Variants in CBLB observed in about 807,000 individuals in gnomAD.
The protein encoded by CBLB is Cbl proto-oncogene B, also known as E3 ubiquitin-protein ligase CBL-B.
In CBLB, 31 loss-of-function variants were observed where a neutral mutation model predicts 104.9. That is an observed-to-expected ratio of 0.30 (90% CI 0.22 to 0.40). CBLB has a LOEUF of 0.40. Ranked by LOEUF, CBLB falls within the 10% of genes least tolerant of loss-of-function variation. The pLI is 1.00. For missense variants in CBLB, 1,062 were observed against 1,214.6 expected, an observed-to-expected ratio of 0.87 and a Z score of 1.87; for synonymous variants, 440 against 422.6, an observed-to-expected ratio of 1.04 and a Z score of -0.51.
At chr3:105,738,511 A>G (rs2075189472) in intron 7 of CBLB, among the ~76,000 whole-genome samples, 1 of 152,058 alleles carries the variant, frequency 6.6e-6, no homozygotes, top group Non-Finnish European at 1.5e-5. Flanking sequence ...ATACCCTAAA[A>G]ATTGGCCATT....
intron 5 of CBLB, 93 bp downstream of exon 5, chr3:105,751,369 T>A: frequency 1.2e-6 from 1 of 832,962 alleles, no homozygotes; most frequent in Non-Finnish European, 2.0e-6. Context: ...TATGTGTGTG[T>A]GTGTGAGAGA....
At position 105,665,857 on chromosome 3, in the gene CBLB, C is replaced by T. The variant is rs187751071; in HGVS notation, c.2689+4376G>A. ...CAGCCTGGCCAATATGGTGAAACCCCGTCTCTACTAAAAATGTAAAAATTA... is the reference window on the plus strand; with the variant it reads ...CAGCCTGGCCAATATGGTGAAACCCTGTCTCTACTAAAAATGTAAAAATTA... On this transcript the variant is annotated intron_variant, in intron 18 of 18. Coordinates refer to ENST00000394030, the MANE Select transcript of CBLB (RefSeq NM_170662.5). 1.3e-3 allele frequency among the ~76,000 whole-genome samples: 200 copies of T among 151,374 alleles called. 1 individual carries two copies. The highest frequency in any genetic ancestry group is 7.0e-4 in the African/African-American group (29 of 41,282).
intron 3 of CBLB, among the ~76,000 whole-genome samples, chr3:105,782,578 C>CTTTTT (rs11333516): frequency 3.2e-4 from 44 of 137,474 alleles, no homozygotes; most frequent in African/African-American, 1.2e-3. Flanking sequence ...CTTTTCTTTT[C>CTTTTT]TTTTTTTTTT....
intron 12 of CBLB, among the ~76,000 whole-genome samples, chr3:105,698,619 A>G (rs2068694592): frequency 6.6e-6 from 1 of 151,352 alleles, no homozygotes; most frequent in Non-Finnish European, 1.5e-5. Flanking sequence ...AAAAAAAAAA[A>G]AAAAAAAGCG....
At chr3:105,854,303 G>C (rs1468870210) in intron 2 of CBLB, among the ~76,000 whole-genome samples, 1 of 152,182 alleles carries the variant, frequency 6.6e-6, no homozygotes, top group Non-Finnish European at 1.5e-5. Flanking sequence ...GCGTTCAGGG[G>C]CTGCCTGCAG....
intron 4 of CBLB, among the ~76,000 whole-genome samples, chr3:105,769,991 G>A (rs527788751): frequency 1.3e-5 from 2 of 152,070 alleles, no homozygotes; most frequent in Admixed American, 1.3e-4. Context: ...GAGAGGCTAT[G>A]TAAGAAGATT....
chr3:105,728,422 C>A (rs2073938823), intron 9 of CBLB, among the ~76,000 whole-genome samples: 1 of 152,184 alleles, frequency 6.6e-6, no homozygotes. Context: ...TGAAGAACCT[C>A]TTCAAGGAGA....
chr3:105,824,657 A>C (rs928219899), intron 3 of CBLB, among the ~76,000 whole-genome samples: 1 of 152,014 alleles, frequency 6.6e-6, no homozygotes, highest in African/African-American at 2.4e-5. Flanking sequence ...TAGTAATAAC[A>C]TCTTAAAATA....
chr3:105,845,910 A>G (rs1240903422), intron 3 of CBLB, among the ~76,000 whole-genome samples: 3 of 152,106 alleles, frequency 2.0e-5, no homozygotes, highest in African/African-American at 7.2e-5. Flanking sequence ...CAATAAATCA[A>G]TCTCAGAAGA....
rs2090347155 is a variant in CBLB at position 105,847,071 on chromosome 3, A to G, written c.419+6343T>C. 2.6e-5 allele frequency among the ~76,000 whole-genome samples: 4 copies of G among 152,032 alleles called. No individual in the cohort carries two copies. In the South Asian group the frequency reaches 8.3e-4, roughly 31 times the overall value. The stretch of plus-strand genomic sequence containing the variant: ...TTGTTTTGTTGTTGCTCTTGTTATT[A>G]TTGTGGCTGCTGTTGCTTTTGATTC... On this transcript the variant is annotated intron_variant, in intron 3 of 18. Transcript: ENST00000394030.
rs185039785 is a variant in CBLB at position 105,657,987 on chromosome 3, T to C, written c.*983A>G. The C allele has an allele frequency of 9.4e-6, 2 of 212,140 alleles. No individual in the cohort carries two copies. Among genetic ancestry groups the C allele is most frequent in the East Asian group, 1.4e-4 (2 of 14,162 alleles). The allele number at this position is 212,140 out of a possible 1,614,324, so 13.1% of individuals were successfully genotyped here. A position where few individuals can be genotyped will look rare whatever the true frequency, so the allele number is the denominator to read the frequency against. The stretch of plus-strand genomic sequence containing the variant: ...CTCTAATTCCACTTGAGAAAAGGTA[T>C]GTTATGTTCATAATTTTATCTGAAA... On this transcript the variant is annotated 3_prime_UTR_variant, in exon 19 of 19. Coordinates refer to ENST00000394030, the MANE Select transcript of CBLB (RefSeq NM_170662.5).
chr3:105,699,039 A>G (rs1271140398), intron 12 of CBLB, among the ~76,000 whole-genome samples: 2 of 152,090 alleles, frequency 1.3e-5, no homozygotes, highest in Non-Finnish European at 2.9e-5. Flanking sequence ...AAACCCAAGC[A>G]CATATACTGT....
chr3:105,848,539 A>G (rs2090567636), intron 3 of CBLB, among the ~76,000 whole-genome samples: 1 of 152,112 alleles, frequency 6.6e-6, no homozygotes, highest in Admixed American at 6.6e-5. Context: ...AAAAGCAATC[A>G]GTTCAGAATT....
intron 18 of CBLB, among the ~76,000 whole-genome samples, chr3:105,663,772 CA>C (rs1165733756): frequency 6.6e-6 from 1 of 151,988 alleles, no homozygotes; most frequent in East Asian, 1.9e-4. Context: ...TGAAAGAAAA[CA>C]ATTTTAGATG....
intron 2 of CBLB, among the ~76,000 whole-genome samples, chr3:105,865,785 A>G (rs2092393131): frequency 6.6e-6 from 1 of 152,174 alleles, no homozygotes; most frequent in Admixed American, 6.5e-5. Flanking sequence ...GGGTGGGGGA[A>G]AAAGAACAGC....
intron 3 of CBLB, among the ~76,000 whole-genome samples, chr3:105,792,492 C>T (rs2152997294): frequency 6.6e-6 from 1 of 152,304 alleles, no homozygotes; most frequent in Middle Eastern, 3.4e-3. Flanking sequence ...CCCTGAAGTA[C>T]TCATCCCCTA....
chr3:105,668,719 G>A (rs945594358), intron 18 of CBLB, among the ~76,000 whole-genome samples: 1 of 152,096 alleles, frequency 6.6e-6, no homozygotes. Flanking sequence ...GATTTTCTAT[G>A]CTTTCCTGAG....
At position 105,719,155 on chromosome 3, in the gene CBLB, G is replaced by GA. The variant is rs535359605; in HGVS notation, c.1407+891dup. Among the ~76,000 whole-genome samples, 9 of 152,220 alleles carry GA rather than the reference G, an allele frequency of 5.9e-5. No homozygotes were observed. The South Asian group carries it at 1.7e-3, about 28-fold the overall frequency. ...AACAGTGAGACAGCCTTCCCATTAA[G>GA]AAAAAACTCTATCAGACACTTCTTC... On this transcript the variant is annotated intron_variant, in intron 10 of 18. Transcript: ENST00000394030.
intron 18 of CBLB, among the ~76,000 whole-genome samples, chr3:105,663,473 A>G (rs1011249289): frequency 6.6e-6 from 1 of 152,110 alleles, no homozygotes; most frequent in African/African-American, 2.4e-5. Context: ...ATCAAAAGCA[A>G]CACTTGTGCC....
Sources: gnomAD v4.1 joint callset for allele counts (sites outside exome capture counted in the v4.1 genomes callset) on GRCh38, gnomAD v4.1.1 for gene constraint, MANE v1.5 for transcripts, NCBI Gene and HGNC (gene_info 2026-07-23, HGNC 2026-07-21) for gene names.